C14orf132: variants seen among roughly 807,000 people sequenced by gnomAD.
C14orf132 encodes uncharacterized protein C14orf132.
A neutral mutation model predicts 5.8 loss-of-function variants in C14orf132; 6 were observed. The ratio of observed to expected loss-of-function variants is 1.03; its 90% CI spans 0.57 to 2.04. The LOEUF (loss-of-function observed/expected upper bound fraction) is 2.04, where lower values mean the gene tolerates loss of function less well. Ranked by LOEUF, C14orf132 falls within the 30% of genes most tolerant of loss-of-function variation. C14orf132 has a pLI of 0.00. For synonymous variants in C14orf132, 51 were observed against 49.8 expected (o/e 1.02, Z -0.10); for missense variants, 125 against 115.8 (o/e 1.08, Z -0.37).
intron 1 of C14orf132, among the ~76,000 whole-genome samples, chr14:96,053,132 G>C (rs188967685): frequency 6.6e-6 from 1 of 152,288 alleles, no homozygotes; most frequent in Non-Finnish European, 1.5e-5. Context: ...TAAAAGCCCA[G>C]AGGCTTTTTG....
chr14:96,057,147 C>T (rs942615818), intron 1 of C14orf132, among the ~76,000 whole-genome samples: 3 of 152,242 alleles, frequency 2.0e-5, no homozygotes, highest in African/African-American at 7.2e-5. Flanking sequence ...TTATCCCAGT[C>T]AGGAAACAAA....
intron 1 of C14orf132, among the ~76,000 whole-genome samples, chr14:96,084,630 A>G (rs962449169): frequency 1.3e-5 from 2 of 152,194 alleles, no homozygotes; most frequent in Admixed American, 1.3e-4. Context: ...ATAGTAATAG[A>G]ATATGTTATA....
chr14:96,075,424 A>G (rs1887832885), intron 1 of C14orf132, among the ~76,000 whole-genome samples: 1 of 151,962 alleles, frequency 6.6e-6, no homozygotes, highest in Admixed American at 6.6e-5. Flanking sequence ...TTCTTGCTTT[A>G]TTGTACTGGC....
intron 1 of C14orf132, among the ~76,000 whole-genome samples, chr14:96,055,556 G>A (rs562741735): frequency 1.3e-5 from 2 of 152,274 alleles, no homozygotes; most frequent in East Asian, 3.9e-4. Flanking sequence ...GCGTACATCT[G>A]GGCCTGCATC....
rs1555385311 is a variant in C14orf132, at chr14:96,069,183, A to ATATATATATATGTATG, written c.28-17313_28-17312insGTATATATATATGTAT. Among the ~76,000 whole-genome samples the ATATATATATATGTATG allele has an allele frequency of 1.8e-3, 238 of 134,286 alleles. 9 individuals carry two copies. In the East Asian group the frequency reaches 0.042, roughly 24 times the overall value. 88.1% of individuals were successfully genotyped at this position (134,286 alleles called of 152,430 possible). A position where few individuals can be genotyped will look rare whatever the true frequency, so the allele number is the denominator to read the frequency against. On this transcript the variant is annotated intron_variant, in intron 1 of 1. Transcript: ENST00000555004. Reference sequence around the variant, plus strand: ...TAAATCTCTTCATATATATATGTATATATATATATATGTATATATGTTATT... The same window carrying ATATATATATATGTATG: ...TAAATCTCTTCATATATATATGTATATATATATATATGTATGTATATATATATGTATATATGTTATT...
intron 1 of C14orf132, among the ~76,000 whole-genome samples, chr14:96,079,936 A>G (rs1444764143): frequency 6.6e-6 from 1 of 152,244 alleles, no homozygotes; most frequent in Non-Finnish European, 1.5e-5. Flanking sequence ...CAGATAAACA[A>G]CAAATAATTA....
intron 1 of C14orf132, among the ~76,000 whole-genome samples, chr14:96,072,344 T>C (rs1449037195): frequency 6.6e-6 from 1 of 152,222 alleles, no homozygotes; most frequent in Non-Finnish European, 1.5e-5. Context: ...AGCCTGACCC[T>C]GGGTGCTTGG....
intron 1 of C14orf132, among the ~76,000 whole-genome samples, chr14:96,076,313 T>G (rs968432759): frequency 3.9e-5 from 6 of 152,260 alleles, no homozygotes; most frequent in African/African-American, 1.2e-4. Context: ...GTTTTCTCCC[T>G]TCTTGCTCAG....
chr14:96,075,235 A>C (rs998952705), intron 1 of C14orf132, among the ~76,000 whole-genome samples: 2 of 152,272 alleles, frequency 1.3e-5, no homozygotes, highest in Admixed American at 1.3e-4. Context: ...AACACAATTG[A>C]TCTTTTAATA....
intron 1 of C14orf132, among the ~76,000 whole-genome samples, chr14:96,082,548 A>G (rs1888057870): frequency 6.6e-6 from 1 of 152,216 alleles, no homozygotes; most frequent in Non-Finnish European, 1.5e-5. Flanking sequence ...AACCTGAGAC[A>G]GATGGATGGA....
At chr14:96,084,872 T>C (rs755964300) in intron 1 of C14orf132, among the ~76,000 whole-genome samples, 1 of 152,162 alleles carries the variant, frequency 6.6e-6, no homozygotes, top group South Asian at 2.1e-4. Context: ...CAGAAGCAGA[T>C]GCTCAAGGGC....
intron 1 of C14orf132, among the ~76,000 whole-genome samples, chr14:96,057,788 G>A (rs1887224007): frequency 6.6e-6 from 1 of 152,140 alleles, no homozygotes; most frequent in African/African-American, 2.4e-5. Context: ...AATCCTGCAG[G>A]CCTCCTGCAT....
At chr14:96,076,349 T>C (rs1381478239) in intron 1 of C14orf132, among the ~76,000 whole-genome samples, 2 of 152,238 alleles carry the variant, frequency 1.3e-5, no homozygotes, top group African/African-American at 4.8e-5. Flanking sequence ...ATCATTGTTA[T>C]TGATCTTTTA....
intron 1 of C14orf132, among the ~76,000 whole-genome samples, chr14:96,077,112 G>C (rs1887892466): frequency 6.6e-6 from 1 of 152,212 alleles, no homozygotes; most frequent in African/African-American, 2.4e-5. Context: ...AGAAGAACGT[G>C]CATTCTGTTG....
chr14:96,075,432 GGC>G (rs1887833430), intron 1 of C14orf132, among the ~76,000 whole-genome samples: 1 of 151,948 alleles, frequency 6.6e-6, no homozygotes, highest in Non-Finnish European at 1.5e-5. Flanking sequence ...TTATTGTACT[GGC>G]AAAAACTTTC....
chr14:96,069,893 G>A lies in C14orf132; in HGVS notation c.28-16618G>A, dbSNP rs746975664. Among the ~76,000 whole-genome samples, 25 of 152,100 alleles carry A rather than the reference G, an allele frequency of 1.6e-4. 1 individual carries two copies. The highest frequency in any genetic ancestry group is 6.3e-3 in the Middle Eastern group (2 of 316). On this transcript the variant is annotated intron_variant, in intron 1 of 1. Transcript: ENST00000555004. ...CTGGAAGTTTATTTTGATGCTCTTG[G>A]CACAGACATCTCCCTAAGGAGAAGT...
rs899194885 is a variant in C14orf132, at chr14:96,091,174, C to T, written c.*4439C>T. The T allele has an allele frequency of 5.2e-6, 2 of 381,418 alleles. No individual in the cohort carries two copies. The highest frequency in any genetic ancestry group is 1.0e-5 in the Non-Finnish European group (2 of 192,878). 23.6% of individuals were successfully genotyped at this position (381,418 alleles called of 1,614,324 possible). ...TGTCAGCTCTAGAGGCACCCTGCAT[C>T]ATGCCCACCAGGGTGATCCCCCTGG... On this transcript the variant is annotated 3_prime_UTR_variant, in exon 2 of 2. Transcript: ENST00000555004.
In C14orf132 at chr14:96,048,086, G is replaced by A. The variant is rs539137556; in HGVS notation, c.27+8559G>A. Reference sequence around the variant, plus strand: ...GCCTGTAATCCCAGCTACTCAGGAGGCTGAGGCAGGAGAATCGCTTGAACC... The same window carrying A: ...GCCTGTAATCCCAGCTACTCAGGAGACTGAGGCAGGAGAATCGCTTGAACC... On this transcript the variant is annotated intron_variant, in intron 1 of 1. Transcript: ENST00000555004. 2.8e-4 allele frequency among the ~76,000 whole-genome samples: 42 copies of A among 152,286 alleles called. 1 individual carries two copies. The highest frequency in any genetic ancestry group is 9.9e-4 in the African/African-American group (41 of 41,544).
intron 1 of C14orf132, among the ~76,000 whole-genome samples, chr14:96,081,747 C>T (rs908056108): frequency 6.6e-6 from 1 of 152,012 alleles, no homozygotes; most frequent in Non-Finnish European, 1.5e-5. Flanking sequence ...CACAAGTGTG[C>T]ACCACCACAC....
Sources: gnomAD v4.1 joint callset for allele counts (sites outside exome capture counted in the v4.1 genomes callset) on GRCh38, gnomAD v4.1.1 for gene constraint, MANE v1.5 for transcripts, NCBI Gene and HGNC (gene_info 2026-07-23, HGNC 2026-07-21) for gene names.